The following CNNM2 variants were observed in gnomAD, a reference collection of about 807,000 sequenced individuals.
The protein encoded by CNNM2 is metal transporter CNNM2.
Under a neutral mutation model 66.9 loss-of-function variants are expected in CNNM2, and 12 were observed. The ratio of observed to expected loss-of-function variants is 0.18; its 90% CI spans 0.11 to 0.29. CNNM2 has a LOEUF of 0.29. CNNM2 is among the 10% of genes least tolerant of loss of function. The probability of loss-of-function intolerance (pLI) is 1.00; values close to 1 mark genes in which losing one functional copy is unlikely to be tolerated. For synonymous variants in CNNM2, 557 were observed against 501.8 expected, an observed-to-expected ratio of 1.11 and a Z score of -1.47; for missense variants, 705 against 1,167.7, an observed-to-expected ratio of 0.60 and a Z score of 5.77.
At position 103,054,542 on chromosome 10, in the gene CNNM2, G is replaced by C; in HGVS notation, c.1903+76G>C. On this transcript the variant is annotated intron_variant, in intron 3 of 7. Coordinates refer to ENST00000369878, the MANE Select transcript of CNNM2 (RefSeq NM_017649.5). The surrounding 1 kb of genome is among the most constrained non-coding windows in gnomAD (Gnocchi z 5.2). ...TTCTCACCCACCACTGACTGGGGTG[G>C]GTTGGGGGTGGACACTGGGAAATGG... 6.6e-7 allele frequency: 1 copy of C among 1,505,244 alleles called. No individual in the cohort carries two copies. The highest frequency in any genetic ancestry group is 1.4e-5 in the African/African-American group (1 of 71,842). 93.2% of individuals were successfully genotyped at this position (1,505,244 alleles called of 1,614,324 possible). A position where few individuals can be genotyped will look rare whatever the true frequency, so the allele number is the denominator to read the frequency against.
At chr10:102,955,382 A>G (rs1345511810) in intron 1 of CNNM2, among the ~76,000 whole-genome samples, 1 of 152,236 alleles carries the variant, frequency 6.6e-6, no homozygotes, top group African/African-American at 2.4e-5. Context: ...TTCAAGGTGG[A>G]TTAAAGACTT....
At chr10:102,957,128 C>A (rs927159375) in intron 1 of CNNM2, among the ~76,000 whole-genome samples, 4 of 151,758 alleles carry the variant, frequency 2.6e-5, no homozygotes, top group Non-Finnish European at 5.9e-5. Flanking sequence ...ATGGTGAAAC[C>A]CCGTCTCTAC....
At chr10:103,074,361 A>G (rs1049784934) in intron 6 of CNNM2, among the ~76,000 whole-genome samples, 1 of 152,144 alleles carries the variant, frequency 6.6e-6, no homozygotes, top group African/African-American at 2.4e-5. Context: ...AACTTAGCAA[A>G]ATTGGGTCAC....
At chr10:103,039,307 T>C (rs2064998057) in intron 1 of CNNM2, among the ~76,000 whole-genome samples, 1 of 152,164 alleles carries the variant, frequency 6.6e-6, no homozygotes, top group African/African-American at 2.4e-5. Context: ...TGGCTAATTT[T>C]TGTATTTTTA....
intron 4 of CNNM2, among the ~76,000 whole-genome samples, chr10:103,061,972 G>T (rs2065393766): frequency 6.6e-6 from 1 of 152,140 alleles, no homozygotes; most frequent in Admixed American, 6.5e-5. Context: ...ATTTTTAACT[G>T]AATGGTAGAC....
At position 103,070,447 on chromosome 10, in the gene CNNM2, G is replaced by T. The variant is rs368822628; in HGVS notation, c.2168-1327G>T. On this transcript the variant is annotated intron_variant, in intron 5 of 7. Transcript: ENST00000369878. ...TCCCCTTGAAAGCATGAGGGGAAAT[G>T]TGAGTATAGTAGAAAGGTGCCTGAC... Among the ~76,000 whole-genome samples the T allele has an allele frequency of 1.9e-3, 288 of 152,350 alleles. 5 individuals carry two copies. The South Asian group carries it at 0.059, about 31-fold the overall frequency.
At chr10:103,010,366 T>G (rs951787666) in intron 1 of CNNM2, among the ~76,000 whole-genome samples, 2 of 151,962 alleles carry the variant, frequency 1.3e-5, no homozygotes, top group African/African-American at 4.8e-5. Context: ...GCCTCCCAGA[T>G]AGCTGGGACT....
chr10:102,999,619 T>C (rs2064076890), intron 1 of CNNM2, among the ~76,000 whole-genome samples: 1 of 152,124 alleles, frequency 6.6e-6, no homozygotes, highest in Non-Finnish European at 1.5e-5. Context: ...ACCTATTTAA[T>C]ACAATCCTTA....
At chr10:102,968,694 C>G (rs1161984703) in intron 1 of CNNM2, among the ~76,000 whole-genome samples, 2 of 151,568 alleles carry the variant, frequency 1.3e-5, no homozygotes, top group Non-Finnish European at 2.9e-5. Context: ...ACCTTGACCT[C>G]TGTGGCTCAA....
rs2065752501 is a variant in CNNM2, at chr10:103,080,947, A to G, written c.*3767A>G. On this transcript the variant is annotated 3_prime_UTR_variant, in exon 8 of 8. Coordinates refer to ENST00000369878, the MANE Select transcript of CNNM2 (RefSeq NM_017649.5). ...ACACACAACCACCTCTGTCATCTGAAGGCCAGCCGGGGATCTGTAGCCATC... is the reference window on the plus strand; with the variant it reads ...ACACACAACCACCTCTGTCATCTGAGGGCCAGCCGGGGATCTGTAGCCATC... 6.6e-6 allele frequency: 1 copy of G among 152,322 alleles called. No homozygotes were observed. Among genetic ancestry groups the G allele is most frequent in the Non-Finnish European group, 1.5e-5 (1 of 68,062 alleles). 9.4% of individuals were successfully genotyped at this position (152,322 alleles called of 1,614,324 possible).
chr10:103,088,745 G>A lies in CNNM2; in HGVS notation c.*11565G>A, dbSNP rs1302218979. ...CTGATTGTGCCCTCTACTTTAGTAAGGTTCTGGCTTACAGAGCCCTCTTCC... is the reference window on the plus strand; with the variant it reads ...CTGATTGTGCCCTCTACTTTAGTAAAGTTCTGGCTTACAGAGCCCTCTTCC... On this transcript the variant is annotated 3_prime_UTR_variant, in exon 8 of 8. Transcript: ENST00000369878. 1 of 179,618 alleles carries A rather than the reference G, an allele frequency of 5.6e-6. No homozygotes were observed. The highest frequency in any genetic ancestry group is 1.2e-5 in the Non-Finnish European group (1 of 83,888). 11.1% of individuals were successfully genotyped at this position (179,618 alleles called of 1,614,324 possible). A position where few individuals can be genotyped will look rare whatever the true frequency, so the allele number is the denominator to read the frequency against.
intron 1 of CNNM2, among the ~76,000 whole-genome samples, chr10:103,003,036 T>G (rs1179685236): frequency 6.6e-6 from 1 of 152,088 alleles, no homozygotes; most frequent in Non-Finnish European, 1.5e-5. Context: ...GGTAAATAAA[T>G]GTGGTGTATC....
chr10:103,025,946 T>A (rs753097193), intron 1 of CNNM2, among the ~76,000 whole-genome samples: 2 of 152,236 alleles, frequency 1.3e-5, no homozygotes, highest in Admixed American at 6.5e-5. Flanking sequence ...GGGGGTCTAA[T>A]AAGAGGTGAT....
In CNNM2 at chr10:102,919,155, G is replaced by T. The variant is rs1845536650; in HGVS notation, c.675G>T (p.Pro225=). ...GCTCGGGGGTGGCCGGGCTCCCGCC[G>T]CCCCCGTGGGCCGAGACCACCTGGA... ...KGGSGVAGLP[P]PPWAETTWIY... is the part of the protein sequence containing the mutation. The change falls in exon 1 of 8, where the codon CCG becomes CCT. Residue 225 remains proline (P), a synonymous_variant. Transcript: ENST00000369878. 2 of 1,609,604 alleles carry T rather than the reference G, an allele frequency of 1.2e-6. No homozygotes were observed. Among genetic ancestry groups the T allele is most frequent in the South Asian group, 1.1e-5 (1 of 90,926 alleles).
intron 1 of CNNM2, among the ~76,000 whole-genome samples, chr10:102,993,720 A>G (rs954837725): frequency 2.6e-5 from 4 of 152,132 alleles, no homozygotes; most frequent in African/African-American, 9.7e-5. Context: ...AGGACGACCA[A>G]GGTAGTAAAA....
intron 2 of CNNM2, among the ~76,000 whole-genome samples, chr10:103,053,363 T>A (rs2065246706): frequency 6.6e-6 from 1 of 152,014 alleles, no homozygotes; most frequent in Non-Finnish European, 1.5e-5. Context: ...AAAAAAATTT[T>A]AAAATTAGCT....
At chr10:103,022,740 G>T (rs1393881624) in intron 1 of CNNM2, among the ~76,000 whole-genome samples, 1 of 152,246 alleles carries the variant, frequency 6.6e-6, no homozygotes, top group Admixed American at 6.5e-5. Context: ...AAGAAAAAAG[G>T]TTTATTTTGG....
At chr10:102,960,142 T>A (rs925119055) in intron 1 of CNNM2, among the ~76,000 whole-genome samples, 5 of 152,122 alleles carry the variant, frequency 3.3e-5, no homozygotes, top group African/African-American at 4.8e-5. Context: ...AATGAAATAA[T>A]CCATGTGAAG....
chr10:103,029,300 TAA>T (rs756251100), intron 1 of CNNM2, among the ~76,000 whole-genome samples: 19 of 122,246 alleles, frequency 1.6e-4, no homozygotes, highest in East Asian at 4.8e-4. Flanking sequence ...CATCTCTACT[TAA>T]AAAAAAAAAA....
Sources: gnomAD v4.1 joint callset for allele counts (sites outside exome capture counted in the v4.1 genomes callset) on GRCh38, gnomAD v4.1.1 for gene constraint, Gnocchi (gnomAD v3.1) non-coding constraint, MANE v1.5 for transcripts, NCBI Gene and HGNC (gene_info 2026-07-23, HGNC 2026-07-21) for gene names.